CIAO2A: variants seen among roughly 807,000 people sequenced by gnomAD.
CIAO2A encodes cytosolic iron-sulfur assembly component 2A, also known as MIP18 family protein FAM96A.
Under a neutral mutation model 22.4 loss-of-function variants are expected in CIAO2A, and 17 were observed. That is an observed-to-expected ratio of 0.76 (90% CI 0.52 to 1.14). The LOEUF (loss-of-function observed/expected upper bound fraction) is 1.14. CIAO2A is among the 50% of genes most tolerant of loss of function. CIAO2A has a pLI of 0.00. For missense variants in CIAO2A, 192 were observed against 191.4 expected, an observed-to-expected ratio of 1.00 and a Z score of -0.02; for synonymous variants, 74 against 72.3, an observed-to-expected ratio of 1.02 and a Z score of -0.12.
intron 1 of CIAO2A, among the ~76,000 whole-genome samples, chr15:64,091,582 T>C (rs1419723077): frequency 6.6e-6 from 1 of 152,160 alleles, no homozygotes; most frequent in Non-Finnish European, 1.5e-5. Flanking sequence ...TCATGGGACT[T>C]AGGGAAACAG....
At chr15:64,075,434 A>G (rs1331567513) in intron 4 of CIAO2A, 58 bp downstream of exon 4, 3 of 1,107,210 alleles carry the variant, frequency 2.7e-6, no homozygotes, top group Admixed American at 5.0e-5. Context: ...AGAATCCAGT[A>G]TCCAAGATAA....
At chr15:64,081,236 C>T (rs2080757338) in intron 2 of CIAO2A, 85 bp from the exon 3 acceptor site, 4 of 1,283,024 alleles carry the variant, frequency 3.1e-6, no homozygotes, top group East Asian at 4.7e-5. Context: ...GTTTATGTGC[C>T]CCCATACAAC....
At chr15:64,087,863 A>G (rs1299688125) in intron 2 of CIAO2A, among the ~76,000 whole-genome samples, 2 of 151,916 alleles carry the variant, frequency 1.3e-5, no homozygotes, top group East Asian at 1.9e-4. Flanking sequence ...TCATTTATGT[A>G]TTAATATTAT....
chr15:64,080,906 T>C (rs972892913), intron 3 of CIAO2A, among the ~76,000 whole-genome samples, 196 bp downstream of exon 3: 5 of 152,172 alleles, frequency 3.3e-5, no homozygotes, highest in East Asian at 1.9e-4. Flanking sequence ...CAAAAACTTA[T>C]ACATGAATGT....
chr15:64,093,680 G>T lies in CIAO2A; in HGVS notation c.89C>A (p.Pro30His), dbSNP rs765589024. The change falls in exon 1 of 5, where the codon CCC (proline) becomes CAC (histidine). Residue 30 changes from proline to histidine, a missense_variant. By Grantham distance (77) the Pro-to-His change is moderately conservative (BLOSUM62 -2). Coordinates refer to ENST00000300030, the MANE Select transcript of CIAO2A (RefSeq NM_032231.7). ...TAGCGCTTTCTCTTCCATGATCCGG[G>T]GCTGCCGGGCAGCTCCCGGCTCAGA... ...GLSEPGAARQPRIMEEKALEV... is the reference protein window; with the variant it reads ...GLSEPGAARQHRIMEEKALEV... 1.9e-6 allele frequency: 3 copies of T among 1,613,892 alleles called. No individual in the cohort carries two copies.
chr15:64,087,320 T>C (rs1595959112), intron 2 of CIAO2A, among the ~76,000 whole-genome samples: 2 of 152,150 alleles, frequency 1.3e-5, no homozygotes, highest in African/African-American at 4.8e-5. Flanking sequence ...CTCCATCTCC[T>C]GACCTCGTGA....
At chr15:64,091,412 G>A (rs1244756247) in intron 1 of CIAO2A, among the ~76,000 whole-genome samples, 1 of 151,838 alleles carries the variant, frequency 6.6e-6, no homozygotes, top group Non-Finnish European at 1.5e-5. Context: ...TTGAACCCAG[G>A]AGGCTGAGGC....
intron 2 of CIAO2A, among the ~76,000 whole-genome samples, chr15:64,083,641 A>G (rs1256038509): frequency 6.6e-6 from 1 of 152,090 alleles, no homozygotes; most frequent in African/African-American, 2.4e-5. Flanking sequence ...ACTATTATAC[A>G]ATTCTCTAAA....
chr15:64,093,664 C>G lies in CIAO2A; in HGVS notation c.105G>C (p.Glu35Asp). ...AATTACCATAAACTTCTAGCGCTTT[C>G]TCTTCCATGATCCGGGGCTGCCGGG... ...GAARQPRIME[E>D]KALEVYDLIR... is the part of the protein sequence containing the mutation. Residue 35 changes from glutamate (E) to aspartate (D), a missense_variant, in exon 1 of 5, where the codon GAG (glutamate) becomes GAC (aspartate). Coordinates refer to ENST00000300030, the MANE Select transcript of CIAO2A (RefSeq NM_032231.7). The G allele has an allele frequency of 1.2e-6, 2 of 1,613,964 alleles. No homozygotes were observed. Among genetic ancestry groups the G allele is most frequent in the Non-Finnish European group, 1.7e-6 (2 of 1,179,920 alleles).
At chr15:64,087,553 A>G (rs1008966809) in intron 2 of CIAO2A, among the ~76,000 whole-genome samples, 1 of 152,178 alleles carries the variant, frequency 6.6e-6, no homozygotes, top group Admixed American at 6.5e-5. Flanking sequence ...AATAACCACA[A>G]TAATACCTAT....
intron 3 of CIAO2A, among the ~76,000 whole-genome samples, chr15:64,077,321 A>AAAAC: frequency 6.6e-6 from 1 of 151,756 alleles, no homozygotes; most frequent in South Asian, 2.1e-4. Flanking sequence ...AAAACAAAAC[A>AAAAC]AAACACCTTT....
intron 2 of CIAO2A, 44 bp downstream of exon 2, chr15:64,088,643 C>G (rs962686932): frequency 6.8e-7 from 1 of 1,464,296 alleles, no homozygotes; most frequent in Non-Finnish European, 9.2e-7. Flanking sequence ...GCAAGAATAA[C>G]TTAGAATTTA....
chr15:64,091,266 C>T (rs964285089), intron 1 of CIAO2A, among the ~76,000 whole-genome samples: 2 of 151,998 alleles, frequency 1.3e-5, no homozygotes, highest in South Asian at 4.1e-4. Flanking sequence ...GGATCACCCA[C>T]CTGAGTTCAG....
At chr15:64,092,063 CAAAAAAAAAAAA>C (rs35475525) in intron 1 of CIAO2A, among the ~76,000 whole-genome samples, 1 of 63,718 alleles carries the variant, frequency 1.6e-5, no homozygotes, top group Non-Finnish European at 3.1e-5. Context: ...GACCCTGTCT[CAAAAAAAAAAAA>C]AAAAAAAAAA....
intron 2 of CIAO2A, among the ~76,000 whole-genome samples, chr15:64,086,497 G>A (rs974780199): frequency 1.3e-5 from 2 of 152,004 alleles, no homozygotes; most frequent in African/African-American, 4.8e-5. Context: ...AATATTTTAA[G>A]ACACCCCCTC....
chr15:64,087,084 C>CTT (rs766247330), intron 2 of CIAO2A, among the ~76,000 whole-genome samples: 8,859 of 75,764 alleles, frequency 0.12, 35 homozygotes, highest in Non-Finnish European at 0.17. Context: ...GCTAATTTTG[C>CTT]TTTTTTTTTT....
intron 1 of CIAO2A, 43 bp from the exon 2 acceptor site, chr15:64,088,894 T>A: frequency 6.5e-7 from 1 of 1,549,700 alleles, no homozygotes; most frequent in Non-Finnish European, 8.7e-7. Flanking sequence ...AAAACATGAC[T>A]ATTCTAAATA....
chr15:64,077,325 C>CAAA (rs1567304866), intron 3 of CIAO2A, among the ~76,000 whole-genome samples: 29 of 152,008 alleles, frequency 1.9e-4, no homozygotes, highest in Admixed American at 5.2e-4. Flanking sequence ...CAAAACAAAA[C>CAAA]ACCTTTCTCC....
chr15:64,085,178 G>C (rs971990698), intron 2 of CIAO2A, among the ~76,000 whole-genome samples: 2 of 152,160 alleles, frequency 1.3e-5, no homozygotes, highest in African/African-American at 4.8e-5. Flanking sequence ...TAGTCCAAAT[G>C]GTTACAAAAC....
Sources: allele counts gnomAD v4.1 joint callset (sites outside exome capture counted in the v4.1 genomes callset), GRCh38; gene constraint gnomAD v4.1.1; transcripts MANE v1.5; gene names NCBI Gene and HGNC (gene_info 2026-07-23, HGNC 2026-07-21).